The following NR3C2 variants were observed in gnomAD, a reference collection of about 807,000 sequenced individuals.
NR3C2 encodes nuclear receptor subfamily 3 group C member 2.
Under a neutral mutation model 86.4 loss-of-function variants are expected in NR3C2, and 15 were observed. The ratio of observed to expected loss-of-function variants is 0.17; its 90% CI spans 0.12 to 0.27. The LOEUF (loss-of-function observed/expected upper bound fraction) is 0.27. Ranked by LOEUF, NR3C2 falls within the 10% of genes least tolerant of loss-of-function variation. The probability of loss-of-function intolerance (pLI) is 1.00; values close to 1 mark genes in which losing one functional copy is unlikely to be tolerated. For missense variants in NR3C2, 960 were observed against 1,195.6 expected, an observed-to-expected ratio of 0.80 and a Z score of 2.91; for synonymous variants, 458 against 450.5, an observed-to-expected ratio of 1.02 and a Z score of -0.21.
intron 6 of NR3C2, among the ~76,000 whole-genome samples, chr4:148,125,694 T>A (rs1732712254): frequency 6.6e-6 from 1 of 152,176 alleles, no homozygotes; most frequent in South Asian, 2.1e-4. Context: ...AGGATCCATG[T>A]CTAACTTTTG....
At chr4:148,399,171 C>G (rs112404825) in intron 2 of NR3C2, among the ~76,000 whole-genome samples, 49 of 152,158 alleles carry the variant, frequency 3.2e-4, no homozygotes, top group African/African-American at 1.1e-3. Context: ...TTGCCTCTGG[C>G]CTTTGTGTTA....
chr4:148,193,506 T>C (rs1055901143), intron 4 of NR3C2, among the ~76,000 whole-genome samples: 1 of 152,224 alleles, frequency 6.6e-6, no homozygotes, highest in Non-Finnish European at 1.5e-5. Flanking sequence ...CATGATCCCC[T>C]GAATCCAGTA....
chr4:148,156,543 C>T (rs1734395747), intron 4 of NR3C2, among the ~76,000 whole-genome samples: 1 of 152,154 alleles, frequency 6.6e-6, no homozygotes, highest in South Asian at 2.1e-4. Flanking sequence ...AGCCAAAAGA[C>T]ACAAGAAAAA....
intron 2 of NR3C2, among the ~76,000 whole-genome samples, chr4:148,343,261 C>T (rs888810946): frequency 1.3e-5 from 2 of 152,110 alleles, no homozygotes; most frequent in Non-Finnish European, 2.9e-5. Context: ...TCTGCTGGTC[C>T]TTGTTATTTT....
chr4:148,104,342 GTT>G (rs57175085), intron 8 of NR3C2, among the ~76,000 whole-genome samples: 6 of 63,794 alleles, frequency 9.4e-5, no homozygotes, highest in Non-Finnish European at 2.0e-4. Flanking sequence ...TTTTGGTTTG[GTT>G]TTTTTTTTTT....
At chr4:148,141,519 T>C (rs1184603232) in intron 6 of NR3C2, among the ~76,000 whole-genome samples, 1 of 152,116 alleles carries the variant, frequency 6.6e-6, no homozygotes, top group Non-Finnish European at 1.5e-5. Flanking sequence ...TTCTGTACTC[T>C]AGGTATTTAC....
chr4:148,246,889 G>T lies in NR3C2; in HGVS notation c.1897+13089C>A, dbSNP rs1027198437. Among the ~76,000 whole-genome samples, 10 of 152,204 alleles carry T rather than the reference G, an allele frequency of 6.6e-5. No homozygotes were observed. The East Asian group carries it at 1.9e-3, about 29-fold the overall frequency. ...ATTTTAAAAGGGAAGTTGCTTAAAG[G>T]AACTTTATATCTAAAACCATTTAGT... On this transcript the variant is annotated intron_variant, in intron 3 of 8. Coordinates refer to ENST00000358102, the MANE Select transcript of NR3C2 (RefSeq NM_000901.5).
chr4:148,260,292 G>A (rs1028276948), intron 2 of NR3C2, among the ~76,000 whole-genome samples, 175 bp from the exon 3 acceptor site: 2 of 152,206 alleles, frequency 1.3e-5, no homozygotes, highest in Non-Finnish European at 2.9e-5. Flanking sequence ...GTGGAGCAAT[G>A]CTATCAAGGT....
intron 3 of NR3C2, among the ~76,000 whole-genome samples, chr4:148,254,803 T>C (rs1739745578): frequency 1.3e-5 from 2 of 152,122 alleles, no homozygotes; most frequent in South Asian, 2.1e-4. Flanking sequence ...ACAGCAAATA[T>C]TGTGGTTGTG....
At chr4:148,339,188 TG>T (rs1221587525) in intron 2 of NR3C2, among the ~76,000 whole-genome samples, 1 of 152,164 alleles carries the variant, frequency 6.6e-6, no homozygotes, top group Non-Finnish European at 1.5e-5. Context: ...ACGATCAGCC[TG>T]GAAGGGAGAC....
chr4:148,265,261 C>A (rs1247272423), intron 2 of NR3C2, among the ~76,000 whole-genome samples: 2 of 152,110 alleles, frequency 1.3e-5, no homozygotes, highest in African/African-American at 2.4e-5. Context: ...AAAAGATTAA[C>A]CAAAGGTTTA....
At chr4:148,227,590 G>A (rs1738241482) in intron 3 of NR3C2, among the ~76,000 whole-genome samples, 1 of 152,032 alleles carries the variant, frequency 6.6e-6, no homozygotes, top group South Asian at 2.1e-4. Flanking sequence ...CATGGTGATG[G>A]CCAAGTAGTG....
chr4:148,407,116 G>A (rs1350458198), intron 2 of NR3C2, among the ~76,000 whole-genome samples: 1 of 152,136 alleles, frequency 6.6e-6, no homozygotes, highest in Non-Finnish European at 1.5e-5. Flanking sequence ...ATTACAAATG[G>A]AGAAACTGAG....
chr4:148,185,719 CA>C (rs2149794728), intron 4 of NR3C2, among the ~76,000 whole-genome samples: 1 of 152,194 alleles, frequency 6.6e-6, no homozygotes, highest in Non-Finnish European at 1.5e-5. Context: ...TCTAAAATAG[CA>C]TATTTTGTAT....
chr4:148,188,112 C>T (rs1736021376), intron 4 of NR3C2, among the ~76,000 whole-genome samples: 1 of 152,180 alleles, frequency 6.6e-6, no homozygotes, highest in African/African-American at 2.4e-5. Flanking sequence ...GTTTTGGTAA[C>T]TATGGCCTTA....
At chr4:148,298,297 A>G (rs1742164202) in intron 2 of NR3C2, among the ~76,000 whole-genome samples, 1 of 152,190 alleles carries the variant, frequency 6.6e-6, no homozygotes, top group Admixed American at 6.5e-5. Context: ...ACATGATTCA[A>G]TTTACATGAA....
At chr4:148,282,528 C>G (rs1339408749) in intron 2 of NR3C2, among the ~76,000 whole-genome samples, 2 of 152,160 alleles carry the variant, frequency 1.3e-5, no homozygotes, top group Non-Finnish European at 2.9e-5. Context: ...AAAAGTCAGT[C>G]TATTCCTGCA....
chr4:148,274,998 T>G (rs1263055458), intron 2 of NR3C2, among the ~76,000 whole-genome samples: 2 of 152,046 alleles, frequency 1.3e-5, no homozygotes, highest in African/African-American at 4.8e-5. Context: ...GCACCTGGCC[T>G]CAGGTAGTTC....
chr4:148,101,884 TAA>T (rs34244163), intron 8 of NR3C2, among the ~76,000 whole-genome samples: 89 of 150,238 alleles, frequency 5.9e-4, no homozygotes, highest in East Asian at 5.1e-3. Flanking sequence ...CTCTCAATAT[TAA>T]AAAAAAAAAA....
Sources: allele counts gnomAD v4.1 joint callset (sites outside exome capture counted in the v4.1 genomes callset), GRCh38; gene constraint gnomAD v4.1.1; transcripts MANE v1.5; gene names NCBI Gene and HGNC (gene_info 2026-07-23, HGNC 2026-07-21).